The following LYSMD1 variants were observed in gnomAD, a reference collection of about 807,000 sequenced individuals.
LYSMD1 encodes the protein lysM and putative peptidoglycan-binding domain-containing protein 1.
Under a neutral mutation model 19.3 loss-of-function variants are expected in LYSMD1, and 9 were observed. The ratio of observed to expected loss-of-function variants is 0.47; its 90% confidence interval spans 0.28 to 0.81. The LOEUF is 0.81. LYSMD1 is among the 40% of genes least tolerant of loss of function. The pLI is 0.11. For missense variants in LYSMD1, 262 were observed against 279.8 expected (o/e 0.94, Z 0.45); for synonymous variants, 111 against 111.7 (o/e 0.99, Z 0.04).
chr1:151,156,222 C>A (rs1683218835), downstream of LYSMD1, among the ~76,000 whole-genome samples: 1 of 151,820 alleles, frequency 6.6e-6, no homozygotes, highest in Non-Finnish European at 1.5e-5. Context: ...GTCCCAGCAC[C>A]TTCCTCCCTT....
At chr1:151,164,952 T>C (rs1355902112) in intron 1 of LYSMD1, 127 bp downstream of exon 1, 2 of 771,076 alleles carry the variant, frequency 2.6e-6, no homozygotes, top group Admixed American at 5.7e-5. Context: ...AAAACAAAGA[T>C]AAAGGCAGAA....
In LYSMD1 at chr1:151,165,080, G is replaced by A; in HGVS notation, c.179C>T (p.Thr60Met). Residue 60 changes from threonine (T) to methionine (M), a missense_variant and splice_region_variant, in exon 1 of 3, where the codon ACG becomes ATG. Physicochemically the swap from Thr to Met is moderately conservative, Grantham distance 81. Coordinates refer to ENST00000368908, the MANE Select transcript of LYSMD1 (RefSeq NM_212551.5). ...TCACCCCAATCCTGGAAAACTCACC[G>A]TCACCCCATATTTGAGTGCTAGTCC... Reference protein sequence around the residue: ...LAGLALKYGVTMEQIKRANRL... With the variant: ...LAGLALKYGVMMEQIKRANRL... The A allele has an allele frequency of 6.2e-7, 1 of 1,613,020 alleles. No individual in the cohort carries two copies. The highest frequency in any genetic ancestry group is 8.5e-7 in the Non-Finnish European group (1 of 1,179,290).
Position 151,165,703 on chromosome 1 carries a change from G to A in LYSMD1, c.-445C>T. On this transcript the variant is annotated 5_prime_UTR_variant, in exon 1 of 3. Coordinates refer to ENST00000368908, the MANE Select transcript of LYSMD1 (RefSeq NM_212551.5). ...TCAGGCCCACCCCAGGTGAACTGTC[G>A]CCGCAGACGAAGAGCGTGAGGATTG... The A allele has an allele frequency of 6.4e-7, 1 of 1,551,626 alleles. No individual in the cohort carries two copies. Among genetic ancestry groups the A allele is most frequent in the Non-Finnish European group, 8.7e-7 (1 of 1,146,994 alleles).
intron 2 of LYSMD1, 69 bp downstream of exon 2, chr1:151,161,667 G>T: frequency 6.4e-7 from 1 of 1,555,494 alleles, no homozygotes. Flanking sequence ...ACTTGTGTTT[G>T]TGGTTAGGTA....
chr1:151,154,473 T>C, the LYSMD1 span, among the ~76,000 whole-genome samples: 1 of 114,000 alleles, frequency 8.8e-6, no homozygotes, highest in Admixed American at 9.1e-5. Context: ...AGAGCAAGAC[T>C]CTGTCAAAAA....
chr1:151,148,936 G>A, the LYSMD1 span, among the ~76,000 whole-genome samples: 5 of 152,156 alleles, frequency 3.3e-5, no homozygotes, highest in Non-Finnish European at 7.4e-5. Context: ...GAAAAAGGGT[G>A]CAACTTGTAT....
the LYSMD1 span, among the ~76,000 whole-genome samples, chr1:151,152,334 T>C: frequency 1.3e-5 from 2 of 150,916 alleles, no homozygotes; most frequent in Admixed American, 6.6e-5. Context: ...GAGGCAGAGG[T>C]TGCAGTGAGC....
the LYSMD1 span, among the ~76,000 whole-genome samples, chr1:151,148,937 C>A: frequency 1.1e-3 from 169 of 152,142 alleles, no homozygotes; most frequent in African/African-American, 3.9e-3. Context: ...AAAAAGGGTG[C>A]AACTTGTATT....
chr1:151,149,200 T>C, the LYSMD1 span, among the ~76,000 whole-genome samples: 2 of 152,006 alleles, frequency 1.3e-5, no homozygotes, highest in Non-Finnish European at 2.9e-5. Flanking sequence ...GAGACCAGCC[T>C]GGCCAACATG....
rs1382025258 is a variant in LYSMD1, at chr1:151,165,492, C to T, written c.-234G>A. 7.6e-6 allele frequency: 11 copies of T among 1,439,874 alleles called. No individual in the cohort carries two copies. Among genetic ancestry groups the T allele is most frequent in the Admixed American group, 2.8e-5 (1 of 35,674 alleles). 89.2% of individuals were successfully genotyped at this position (1,439,874 alleles called of 1,614,324 possible). Reference sequence around the variant, plus strand: ...GTATTCAGTCCCTCCCTAATTCTCCCCTAAGCACCCCTCCGACTTTGGACT... The same window carrying T: ...GTATTCAGTCCCTCCCTAATTCTCCTCTAAGCACCCCTCCGACTTTGGACT... On this transcript the variant is annotated 5_prime_UTR_variant, in exon 1 of 3. Transcript: ENST00000368908.
chr1:151,151,742 C>T, the LYSMD1 span, among the ~76,000 whole-genome samples: 8 of 151,342 alleles, frequency 5.3e-5, no homozygotes, highest in Middle Eastern at 3.4e-3. Context: ...CCAGCCTGAC[C>T]GACATAGAGA....
intron 1 of LYSMD1, among the ~76,000 whole-genome samples, chr1:151,162,943 C>T (rs1464126115): frequency 1.3e-5 from 2 of 152,196 alleles, no homozygotes; most frequent in Non-Finnish European, 2.9e-5. Context: ...ATCTGATTAA[C>T]CCACTACCCA....
Position 151,160,726 on chromosome 1 carries a change from G to T in LYSMD1, c.*156C>A. On this transcript the variant is annotated 3_prime_UTR_variant, in exon 3 of 3. Coordinates refer to ENST00000368908, the MANE Select transcript of LYSMD1 (RefSeq NM_212551.5). ...TAATCTTGCCAATAAAACTGCCCCA[G>T]GCCAAGGAATTTTTGGCAGACAAGG... 1.1e-6 allele frequency: 1 copy of T among 878,704 alleles called. No homozygotes were observed. The highest frequency in any genetic ancestry group is 2.6e-5 in the East Asian group (1 of 38,480). 54.4% of individuals were successfully genotyped at this position (878,704 alleles called of 1,614,324 possible).
downstream of LYSMD1, chr1:151,158,889 C>T (rs868357026): frequency 2.5e-6 from 4 of 1,614,198 alleles, no homozygotes; most frequent in Non-Finnish European, 3.4e-6. Context: ...AGGACCTGAT[C>T]AAAGTGGCCA....
Position 151,165,902 on chromosome 1 carries a change from G to T in LYSMD1, c.-644C>A. The stretch of plus-strand genomic sequence containing the variant: ...TTGAGCGGCAAGGTCTTTGAGAAAA[G>T]ACTTCATTTCCCAAAAGGCTCCGCG... On this transcript the variant is annotated 5_prime_UTR_variant, in exon 1 of 3. Transcript: ENST00000368908. 1.1e-6 allele frequency: 1 copy of T among 941,744 alleles called. No individual in the cohort carries two copies. The allele number at this position is 941,744 out of a possible 1,614,324, so 58.3% of individuals were successfully genotyped here. A position where few individuals can be genotyped will look rare whatever the true frequency, so the allele number is the denominator to read the frequency against.
Position 151,160,754 on chromosome 1 carries a change from G to T in LYSMD1, c.*128C>A. On this transcript the variant is annotated 3_prime_UTR_variant, in exon 3 of 3. Coordinates refer to ENST00000368908, the MANE Select transcript of LYSMD1 (RefSeq NM_212551.5). ...CAAGGAATTTTTGGCAGACAAGGAGGCTGGGGAGGATGGCTGGAGTGGAGG... is the reference window on the plus strand; with the variant it reads ...CAAGGAATTTTTGGCAGACAAGGAGTCTGGGGAGGATGGCTGGAGTGGAGG... 1 of 1,214,334 alleles carries T rather than the reference G, an allele frequency of 8.2e-7. No homozygotes were observed. Among genetic ancestry groups the T allele is most frequent in the Non-Finnish European group, 1.1e-6 (1 of 870,616 alleles). The allele number at this position is 1,214,334 out of a possible 1,614,324, so 75.2% of individuals were successfully genotyped here.
At chr1:151,155,020 A>G (rs1179649431), downstream of LYSMD1, among the ~76,000 whole-genome samples, 2 of 152,166 alleles carry the variant, frequency 1.3e-5, no homozygotes, top group African/African-American at 4.8e-5. Context: ...TTGGCTTCCC[A>G]AAGTGCTGGG....
intron 1 of LYSMD1, among the ~76,000 whole-genome samples, chr1:151,162,343 G>C (rs1683486682): frequency 6.6e-6 from 1 of 152,098 alleles, no homozygotes; most frequent in South Asian, 2.1e-4. Context: ...TATAATTCCA[G>C]CTACTCAGGA....
At chr1:151,159,401 A>C (rs587719265), downstream of LYSMD1, 1 of 817,962 alleles carries the variant, frequency 1.2e-6, no homozygotes, top group African/African-American at 1.7e-5. Flanking sequence ...CTCTGAGACC[A>C]GCCCACCCCC....
Sources: allele counts gnomAD v4.1 joint callset (sites outside exome capture counted in the v4.1 genomes callset), GRCh38; gene constraint gnomAD v4.1.1; transcripts MANE v1.5; gene names NCBI Gene and HGNC (gene_info 2026-07-23, HGNC 2026-07-21).